The following DCAF5 variants were observed in gnomAD, a reference collection of about 807,000 sequenced individuals.
DCAF5 encodes DDB1 and CUL4 associated factor 5.
DCAF5 carries 9 observed loss-of-function variants against 80.7 expected under a neutral mutation model. The ratio of observed to expected loss-of-function variants is 0.11; its 90% CI spans 0.07 to 0.19. The LOEUF is 0.19. Ranked by LOEUF, DCAF5 falls within the 10% of genes least tolerant of loss-of-function variation. The probability of loss-of-function intolerance (pLI) is 1.00; values close to 1 mark genes in which losing one functional copy is unlikely to be tolerated. For synonymous variants in DCAF5, 433 were observed against 461.9 expected (o/e 0.94, Z 0.80); for missense variants, 842 against 1,205.7 (o/e 0.70, Z 4.47).
chr14:69,084,933 G>A, intron 6 of DCAF5: 1 of 1,429,476 alleles, frequency 7.0e-7, no homozygotes. Context: ...AACAGCCAGA[G>A]ACCTAAATGG....
rs1174587763 is a variant in DCAF5 at position 69,055,869 on chromosome 14, C to T, written c.1075-258G>A. On this transcript the variant is annotated intron_variant, in intron 8 of 8. Transcript: ENST00000341516. The surrounding 1 kb of genome is among the most constrained non-coding windows in gnomAD (Gnocchi z 5.6). ...ATTAGCCTAGTGTCAAGAGACCTAC[C>T]TAAGTCCTGTCTCTTGGCCCAGGGT... 6.6e-6 allele frequency among the ~76,000 whole-genome samples: 1 copy of T among 152,182 alleles called. No homozygotes were observed. Among genetic ancestry groups the T allele is most frequent in the African/African-American group, 2.4e-5 (1 of 41,430 alleles).
rs1481522647 is a variant in DCAF5 at position 69,152,604 on chromosome 14, T to C, written c.214+161A>G. On this transcript the variant is annotated intron_variant, in intron 1 of 8. Coordinates refer to ENST00000341516, the MANE Select transcript of DCAF5 (RefSeq NM_003861.3). The surrounding 1 kb of genome is among the most constrained non-coding windows in gnomAD (Gnocchi z 4.1). ...AGACATCCTCTCCTTCCCCTCCCCC[T>C]GCAATGGTTTTAATTTGACACCAAA... The C allele has an allele frequency of 8.3e-6, 5 of 603,960 alleles. No individual in the cohort carries two copies. The highest frequency in any genetic ancestry group is 1.5e-5 in the Non-Finnish European group (5 of 343,460). The allele number at this position is 603,960 out of a possible 1,614,324, so 37.4% of individuals were successfully genotyped here. A position where few individuals can be genotyped will look rare whatever the true frequency, so the allele number is the denominator to read the frequency against.
At chr14:69,126,131 G>C (rs1488226660) in intron 1 of DCAF5, among the ~76,000 whole-genome samples, 1 of 142,948 alleles carries the variant, frequency 7.0e-6, no homozygotes, top group South Asian at 2.2e-4. Context: ...CAAAATCAAA[G>C]AACTAAATAA....
At chr14:69,144,520 C>T (rs531106917) in intron 1 of DCAF5, among the ~76,000 whole-genome samples, 14 of 151,328 alleles carry the variant, frequency 9.3e-5, no homozygotes, top group African/African-American at 2.4e-4. Context: ...TGCAGTGAGC[C>T]GAGATCGCAC....
At chr14:69,121,303 T>C (rs914742424) in intron 2 of DCAF5, among the ~76,000 whole-genome samples, 1 of 152,104 alleles carries the variant, frequency 6.6e-6, no homozygotes, top group Non-Finnish European at 1.5e-5. Context: ...CAGAAGGCCA[T>C]TGCAAAAATC....
At chr14:69,140,372 C>T (rs927920360) in intron 1 of DCAF5, among the ~76,000 whole-genome samples, 4 of 152,102 alleles carry the variant, frequency 2.6e-5, no homozygotes, top group South Asian at 2.1e-4. Flanking sequence ...CTTGAGGGGG[C>T]CAACTTTTAC....
chr14:69,080,548 T>C (rs1462392571), intron 6 of DCAF5, among the ~76,000 whole-genome samples: 2 of 152,154 alleles, frequency 1.3e-5, no homozygotes, highest in Non-Finnish European at 2.9e-5. Context: ...TTTCTCTCTG[T>C]CTTTTCTTTT....
intron 6 of DCAF5, chr14:69,089,352 C>T (rs1594975945): frequency 2.0e-5 from 3 of 152,316 alleles, no homozygotes; most frequent in Admixed American, 2.0e-4. Flanking sequence ...CTAACTATTT[C>T]AGGAATATGA....
intron 8 of DCAF5, among the ~76,000 whole-genome samples, chr14:69,059,518 C>T (rs1454198966): frequency 6.6e-6 from 1 of 152,200 alleles, no homozygotes; most frequent in Non-Finnish European, 1.5e-5. Flanking sequence ...GGTGGTAAGT[C>T]ACTGTCAGCA....
At chr14:69,111,821 G>GT (rs2040378221) in intron 5 of DCAF5, among the ~76,000 whole-genome samples, 4 of 152,108 alleles carry the variant, frequency 2.6e-5, no homozygotes, top group Admixed American at 2.0e-4. Context: ...AGTGTGAAAT[G>GT]TTTTTTTATC....
rs918708180 is a variant in DCAF5, at chr14:69,098,308, C to T, written c.666-6421G>A. On this transcript the variant is annotated intron_variant, in intron 5 of 8. Transcript: ENST00000341516. ...ATTCATTCAGTCTTTATTCAAATAT[C>T]CTCCTCAATTAGGCCTTTCCTGACA... Among the ~76,000 whole-genome samples, 4 of 152,164 alleles carry T rather than the reference C, an allele frequency of 2.6e-5. 1 individual carries two copies. Among genetic ancestry groups the T allele is most frequent in the Non-Finnish European group, 4.4e-5 (3 of 68,032 alleles).
chr14:69,151,773 C>G (rs2041713780), intron 1 of DCAF5, among the ~76,000 whole-genome samples: 1 of 152,132 alleles, frequency 6.6e-6, no homozygotes, highest in African/African-American at 2.4e-5. Context: ...GCCCGCGGGG[C>G]CCGGGCCTCC....
intron 6 of DCAF5, chr14:69,085,443 T>G: frequency 2.3e-6 from 1 of 437,866 alleles, no homozygotes; most frequent in South Asian, 2.2e-5. Context: ...ATTCTTTTCC[T>G]CCCTTGATTT....
intron 5 of DCAF5, among the ~76,000 whole-genome samples, chr14:69,108,911 TTC>T (rs955140336): frequency 2.6e-5 from 4 of 152,180 alleles, no homozygotes; most frequent in Non-Finnish European, 4.4e-5. Context: ...ACTCTTCTCG[TTC>T]TCTCTTTTGT....
intron 7 of DCAF5, among the ~76,000 whole-genome samples, chr14:69,067,383 C>T (rs550364203): frequency 7.5e-6 from 1 of 134,160 alleles, no homozygotes; most frequent in South Asian, 2.3e-4. Context: ...TCACTCTGTT[C>T]CCCAGGTTGG....
chr14:69,094,510 C>G (rs1019907141), intron 5 of DCAF5, among the ~76,000 whole-genome samples: 1 of 152,228 alleles, frequency 6.6e-6, no homozygotes, highest in Non-Finnish European at 1.5e-5. Flanking sequence ...ATTTAAAGAG[C>G]AGCAGCCACC....
At chr14:69,153,169 T>G (rs2041761600), upstream of DCAF5, 24 of 424,858 alleles carry the variant, frequency 5.6e-5, no homozygotes, top group Non-Finnish European at 6.5e-5. Context: ...CTCCCTCTCC[T>G]TCCCCCCGAG....
rs2040626926 is a variant in DCAF5 at position 69,119,086 on chromosome 14, ATGT to A, written c.395+105_395+107del. ...TTTTTAGAAAAGAACAGCTGGTTTC[ATGT>A]TGTTTTTTTCAAAAAACAAAAACTA... On this transcript the variant is annotated intron_variant, in intron 3 of 8. Coordinates refer to ENST00000341516, the MANE Select transcript of DCAF5 (RefSeq NM_003861.3). The A allele has an allele frequency of 3.8e-6, 4 of 1,040,062 alleles. No individual in the cohort carries two copies. The Admixed American group carries it at 8.0e-5, about 21-fold the overall frequency. 64.4% of individuals were successfully genotyped at this position (1,040,062 alleles called of 1,614,324 possible).
chr14:69,111,384 C>A (rs932136626), intron 5 of DCAF5, among the ~76,000 whole-genome samples: 11 of 152,122 alleles, frequency 7.2e-5, no homozygotes, highest in African/African-American at 2.4e-4. Flanking sequence ...GTGAAAGCAC[C>A]GTCTTATAAG....
Sources: gnomAD v4.1 joint callset for allele counts (sites outside exome capture counted in the v4.1 genomes callset) on GRCh38, gnomAD v4.1.1 for gene constraint, Gnocchi (gnomAD v3.1) non-coding constraint, MANE v1.5 for transcripts, NCBI Gene and HGNC (gene_info 2026-07-23, HGNC 2026-07-21) for gene names.